IPCEF1: variants seen among roughly 807,000 people sequenced by gnomAD.
IPCEF1 encodes interaction protein for cytohesin exchange factors 1.
A neutral mutation model predicts 50.9 loss-of-function variants in IPCEF1; 31 were observed. The observed-to-expected ratio is 0.61, with a 90% CI of 0.46 to 0.82. The LOEUF (loss-of-function observed/expected upper bound fraction) is 0.82, where lower values mean the gene tolerates loss of function less well. Among genes scored for constraint, IPCEF1 ranks in the 40% least tolerant of loss-of-function variants. IPCEF1 has a pLI of 0.00. For missense variants in IPCEF1, 458 were observed against 514.0 expected (o/e 0.89, Z 1.05); for synonymous variants, 181 against 192.0 (o/e 0.94, Z 0.47).
chr6:154,192,631 C>T, intron 10 of IPCEF1, among the ~76,000 whole-genome samples: 1 of 144,476 alleles, frequency 6.9e-6, no homozygotes, highest in East Asian at 2.2e-4. Context: ...GGACCAATAT[C>T]CAGAATCTAC....
In IPCEF1 at chr6:154,354,779, GAT is replaced by G. The variant is rs1784186932; in HGVS notation, c.-62+1891_-62+1892del. 2.0e-5 allele frequency among the ~76,000 whole-genome samples: 3 copies of G among 152,098 alleles called. No individual in the cohort carries two copies. In the East Asian group the frequency reaches 5.8e-4, roughly 29 times the overall value. Reference sequence around the variant, plus strand: ...ATATTCTCCTCTCCTCCTCCACTCTGATCTTTTCTAACATTCACTTTTTAAAG... The same window carrying G: ...ATATTCTCCTCTCCTCCTCCACTCTGCTTTTCTAACATTCACTTTTTAAAG... On this transcript the variant is annotated intron_variant, in intron 1 of 11. Coordinates refer to ENST00000367220, the MANE Select transcript of IPCEF1 (RefSeq NM_001130700.2).
chr6:154,335,227 A>G (rs1783763814), intron 1 of IPCEF1, among the ~76,000 whole-genome samples: 1 of 152,192 alleles, frequency 6.6e-6, no homozygotes, highest in Non-Finnish European at 1.5e-5. Flanking sequence ...CTATTTACAT[A>G]TTGATCTCTC....
intron 10 of IPCEF1, among the ~76,000 whole-genome samples, chr6:154,188,779 C>T (rs1005843537): frequency 1.3e-5 from 2 of 152,080 alleles, no homozygotes; most frequent in African/African-American, 4.8e-5. Context: ...ATGGCGTGTA[C>T]AGAAATGATA....
At chr6:154,270,925 G>A (rs903339196) in intron 2 of IPCEF1, among the ~76,000 whole-genome samples, 83 of 152,094 alleles carry the variant, frequency 5.5e-4, no homozygotes, top group Non-Finnish European at 1.1e-3. Flanking sequence ...GCAGTGAGCC[G>A]AAATTGTGCC....
intron 2 of IPCEF1, among the ~76,000 whole-genome samples, chr6:154,278,388 A>C (rs1389821286): frequency 6.6e-6 from 1 of 152,156 alleles, no homozygotes; most frequent in Non-Finnish European, 1.5e-5. Context: ...CGCCAAGTAG[A>C]GAATGGGAAT....
chr6:154,233,959 G>A (rs1003562989), intron 5 of IPCEF1, among the ~76,000 whole-genome samples: 2 of 152,090 alleles, frequency 1.3e-5, no homozygotes, highest in Admixed American at 6.6e-5. Context: ...CTGTAATCTC[G>A]GCACTTTGAG....
At chr6:154,204,002 TTTAG>T (rs920136162) in intron 9 of IPCEF1, among the ~76,000 whole-genome samples, 9 of 152,210 alleles carry the variant, frequency 5.9e-5, no homozygotes, top group African/African-American at 2.2e-4. Context: ...TATTATTTTA[TTTAG>T]TTAGTGATTA....
At chr6:154,280,798 G>A (rs1056348587) in intron 2 of IPCEF1, among the ~76,000 whole-genome samples, 1 of 152,224 alleles carries the variant, frequency 6.6e-6, no homozygotes, top group African/African-American at 2.4e-5. Flanking sequence ...CTTGACTGAA[G>A]TGGCAGTTGC....
chr6:154,333,411 A>G (rs1783715417), intron 1 of IPCEF1, among the ~76,000 whole-genome samples: 2 of 151,984 alleles, frequency 1.3e-5, no homozygotes, highest in Admixed American at 1.3e-4. Flanking sequence ...CCTATGCTGG[A>G]TGCTTCCTGC....
chr6:154,283,391 T>A (rs111411868), intron 2 of IPCEF1, among the ~76,000 whole-genome samples: 1 of 149,602 alleles, frequency 6.7e-6, no homozygotes, highest in African/African-American at 2.5e-5. Flanking sequence ...GGTCAGGAGA[T>A]CATGACCATC....
chr6:154,330,640 T>C (rs1372878230), intron 1 of IPCEF1, among the ~76,000 whole-genome samples: 1 of 152,170 alleles, frequency 6.6e-6, no homozygotes. Context: ...TTTCAACTAA[T>C]GCTCTGCCTA....
intron 1 of IPCEF1, among the ~76,000 whole-genome samples, chr6:154,335,005 C>T (rs1375861201): frequency 6.6e-6 from 1 of 151,970 alleles, no homozygotes; most frequent in Non-Finnish European, 1.5e-5. Context: ...TCTTCCCCTC[C>T]CTGTAAAACC....
chr6:154,257,633 T>C (rs908558247), intron 3 of IPCEF1, among the ~76,000 whole-genome samples: 2 of 152,234 alleles, frequency 1.3e-5, no homozygotes, highest in African/African-American at 4.8e-5. Flanking sequence ...TCTCTTCCCA[T>C]ACTGGCCTCA....
chr6:154,266,035 T>G, intron 2 of IPCEF1, 71 bp from the exon 3 acceptor site: 1 of 846,766 alleles, frequency 1.2e-6, no homozygotes, highest in Non-Finnish European at 1.9e-6. Flanking sequence ...TCTCTTTGAG[T>G]GGGGAAAGAA....
At chr6:154,339,022 C>G (rs1226002006) in intron 1 of IPCEF1, among the ~76,000 whole-genome samples, 1 of 152,144 alleles carries the variant, frequency 6.6e-6, no homozygotes, top group Non-Finnish European at 1.5e-5. Flanking sequence ...AACATACAGC[C>G]CATGAATAGC....
intron 1 of IPCEF1, among the ~76,000 whole-genome samples, chr6:154,341,171 G>A (rs1416337169): frequency 2.0e-5 from 3 of 152,102 alleles, no homozygotes; most frequent in Non-Finnish European, 4.4e-5. Context: ...AGTGAGCAAA[G>A]GAATAACTTT....
intron 5 of IPCEF1, among the ~76,000 whole-genome samples, chr6:154,230,080 T>C (rs969760666): frequency 6.6e-6 from 1 of 151,958 alleles, no homozygotes; most frequent in Non-Finnish European, 1.5e-5. Flanking sequence ...TGACTGTAAA[T>C]GGGGATGGGG....
At chr6:154,212,928 T>G in intron 8 of IPCEF1, 73 bp from the exon 9 acceptor site, 1 of 1,011,276 alleles carries the variant, frequency 9.9e-7, no homozygotes, top group Non-Finnish European at 1.5e-6. Flanking sequence ...AGCAGAGGTT[T>G]ATCTCCATCT....
chr6:154,193,882 G>A (rs545284583), intron 10 of IPCEF1, among the ~76,000 whole-genome samples: 1 of 152,258 alleles, frequency 6.6e-6, no homozygotes, highest in East Asian at 1.9e-4. Context: ...CAGACAAAAA[G>A]TGCTCAAAAA....
Sources: gnomAD v4.1 joint callset for allele counts (sites outside exome capture counted in the v4.1 genomes callset) on GRCh38, gnomAD v4.1.1 for gene constraint, MANE v1.5 for transcripts, NCBI Gene and HGNC (gene_info 2026-07-23, HGNC 2026-07-21) for gene names.